Variants in TAF1B observed in about 807,000 individuals in gnomAD.
TAF1B encodes the protein TATA box-binding protein-associated factor RNA polymerase I subunit B.
A neutral mutation model predicts 83.9 loss-of-function variants in TAF1B; 61 were observed. That is an observed-to-expected ratio of 0.73 (90% CI 0.59 to 0.90). TAF1B has a LOEUF of 0.90. Ranked by LOEUF, TAF1B falls within the 40% of genes least tolerant of loss-of-function variation. The pLI, the probability that TAF1B is intolerant of heterozygous loss-of-function variation, is 0.00. For synonymous variants in TAF1B, 221 were observed against 224.6 expected (o/e 0.98, Z 0.14); for missense variants, 625 against 677.0 (o/e 0.92, Z 0.85).
At chr2:9,849,646 G>GA (rs781425053) in intron 3 of TAF1B, among the ~76,000 whole-genome samples, 186 bp downstream of exon 3, 147 of 152,208 alleles carry the variant, frequency 9.7e-4, no homozygotes, top group Non-Finnish European at 7.1e-4. Context: ...TGCTTTTATA[G>GA]AAAAAATGCT....
chr2:9,862,973 C>T lies in TAF1B; in HGVS notation c.400-5303C>T, dbSNP rs557105497. 3.8e-3 allele frequency among the ~76,000 whole-genome samples: 573 copies of T among 152,244 alleles called. 2 individuals are homozygous for T. The highest frequency in any genetic ancestry group is 5.1e-3 in the Non-Finnish European group (347 of 68,016). On this transcript the variant is annotated intron_variant, in intron 5 of 14. Coordinates refer to ENST00000263663, the MANE Select transcript of TAF1B (RefSeq NM_005680.3). Reference sequence around the variant, plus strand: ...TAAACATGGAAAGGAACAACCGGTACCAGCCACTGCAAAAACATGCCAAAT... The same window carrying T: ...TAAACATGGAAAGGAACAACCGGTATCAGCCACTGCAAAAACATGCCAAAT...
chr2:9,876,006 C>T lies in TAF1B; in HGVS notation c.695C>T (p.Ser232Leu). Residue 232 changes from serine to leucine, a missense_variant, in exon 7 of 15, where the codon TCA (serine) becomes TTA (leucine). Ser to Leu is a moderately radical substitution (Grantham distance 145). Transcript: ENST00000263663. The stretch of plus-strand genomic sequence containing the variant: ...TGGCAGAGAGAAGCAATAACACTTT[C>T]AGATCTTTTGAGGTTAGCTAGACCT... Reference protein sequence around the residue: ...LLWQREAITLSDLLRFVEEDH... With the variant: ...LLWQREAITLLDLLRFVEEDH... The T allele has an allele frequency of 6.2e-7, 1 of 1,609,346 alleles. No homozygotes were observed. The highest frequency in any genetic ancestry group is 8.5e-7 in the Non-Finnish European group (1 of 1,176,304).
intron 8 of TAF1B, among the ~76,000 whole-genome samples, chr2:9,888,769 TC>T (rs1354840911): frequency 6.7e-6 from 1 of 149,428 alleles, no homozygotes; most frequent in African/African-American, 2.4e-5. Context: ...GTCACAGTTT[TC>T]TTTATGTTTC....
intron 7 of TAF1B, among the ~76,000 whole-genome samples, chr2:9,880,992 AT>A (rs1408034357): frequency 3.3e-5 from 5 of 152,240 alleles, no homozygotes; most frequent in African/African-American, 1.2e-4. Context: ...TTATGTAAAT[AT>A]TTCTCAACTT....
chr2:9,919,907 T>A lies in TAF1B; in HGVS notation c.1565+87T>A, dbSNP rs75900427. ...TAGGTTTTTTGTTGGAATTAGAAGC[T>A]GGTGAGCTTAAAGTCACGAAAATCA... On this transcript the variant is annotated intron_variant, in intron 14 of 14. Transcript: ENST00000263663. 817 of 1,308,686 alleles carry A rather than the reference T, an allele frequency of 6.2e-4. 4 individuals carry two copies. The African/African-American group carries it at 0.011, about 18-fold the overall frequency. 81.1% of individuals were successfully genotyped at this position (1,308,686 alleles called of 1,614,324 possible).
chr2:9,902,759 C>T (rs1447347334), intron 8 of TAF1B, among the ~76,000 whole-genome samples: 2 of 152,184 alleles, frequency 1.3e-5, no homozygotes, highest in African/African-American at 4.8e-5. Flanking sequence ...GTATACATAG[C>T]TAGGAGTAGA....
At chr2:9,882,645 C>A (rs1263017177) in intron 7 of TAF1B, 61 bp from the exon 8 acceptor site, 15 of 1,073,996 alleles carry the variant, frequency 1.4e-5, no homozygotes, top group Admixed American at 2.6e-5. Flanking sequence ...TTTCTTAAAG[C>A]ATTTACTCTG....
At chr2:9,856,212 GA>G (rs1372864193) in intron 5 of TAF1B, among the ~76,000 whole-genome samples, 1 of 151,840 alleles carries the variant, frequency 6.6e-6, no homozygotes, top group African/African-American at 2.4e-5. Flanking sequence ...TCCTAAGAAT[GA>G]GAAGTTTAGA....
chr2:9,872,143 T>A (rs1191708983), intron 6 of TAF1B, among the ~76,000 whole-genome samples: 2 of 151,954 alleles, frequency 1.3e-5, no homozygotes, highest in East Asian at 3.9e-4. Flanking sequence ...CTGGCCAACG[T>A]AGTGAAACTC....
intron 5 of TAF1B, among the ~76,000 whole-genome samples, 170 bp from the exon 6 acceptor site, chr2:9,868,106 G>T (rs1490954977): frequency 6.6e-6 from 1 of 152,148 alleles, no homozygotes; most frequent in African/African-American, 2.4e-5. Context: ...AAGAAGCACT[G>T]CTGGGAGCTG....
Position 9,843,562 on chromosome 2 carries a change from A to G in TAF1B, c.18+3A>G, listed in dbSNP as rs1168735555. ...CCGCGATGGACCTCGAGGAGGCGGTAAGGAGGCGGTGCACCTGGCGGGCCA... is the reference window on the plus strand; with the variant it reads ...CCGCGATGGACCTCGAGGAGGCGGTGAGGAGGCGGTGCACCTGGCGGGCCA... On this transcript the variant is annotated splice_donor_region_variant and intron_variant, in intron 1 of 14. Transcript: ENST00000263663. 6.6e-7 allele frequency: 1 copy of G among 1,521,022 alleles called. No individual in the cohort carries two copies. Among genetic ancestry groups the G allele is most frequent in the Middle Eastern group, 2.0e-4 (1 of 5,062 alleles). The allele number at this position is 1,521,022 out of a possible 1,614,324, so 94.2% of individuals were successfully genotyped here.
intron 14 of TAF1B, among the ~76,000 whole-genome samples, chr2:9,927,121 T>G (rs1218408463): frequency 6.9e-6 from 1 of 144,356 alleles, no homozygotes; most frequent in Non-Finnish European, 1.5e-5. Context: ...ACATATGGTG[T>G]TTGGTTTTCT....
At chr2:9,857,439 CT>C (rs1327452264) in intron 5 of TAF1B, among the ~76,000 whole-genome samples, 1 of 152,138 alleles carries the variant, frequency 6.6e-6, no homozygotes, top group Non-Finnish European at 1.5e-5. Flanking sequence ...TCAATGATGA[CT>C]CTAAGGATTT....
At chr2:9,857,595 A>G (rs548706420) in intron 5 of TAF1B, among the ~76,000 whole-genome samples, 32 of 152,284 alleles carry the variant, frequency 2.1e-4, no homozygotes, top group Non-Finnish European at 4.6e-4. Flanking sequence ...TAAAAATACT[A>G]CCTGAGACAG....
intron 8 of TAF1B, among the ~76,000 whole-genome samples, chr2:9,887,576 A>G (rs971372675): frequency 6.6e-6 from 1 of 151,944 alleles, no homozygotes; most frequent in Non-Finnish European, 1.5e-5. Context: ...TTTGCACAGC[A>G]TATCTTTTTC....
intron 8 of TAF1B, among the ~76,000 whole-genome samples, chr2:9,901,488 A>G (rs1267216064): frequency 6.6e-6 from 1 of 152,124 alleles, no homozygotes; most frequent in African/African-American, 2.4e-5. Context: ...AGCCTACCAA[A>G]TTGCTTCTCA....
chr2:9,875,972 T>C lies in TAF1B; in HGVS notation c.661T>C (p.Ser221Pro), dbSNP rs369390290. The C allele has an allele frequency of 6.2e-7, 1 of 1,613,188 alleles. No homozygotes were observed. The highest frequency in any genetic ancestry group is 8.5e-7 in the Non-Finnish European group (1 of 1,179,322). Residue 221 changes from serine to proline, a missense_variant, in exon 7 of 15, where the codon TCC becomes CCC. Transcript: ENST00000263663. ...MPQTLAFCYLSLLWQREAITL... is the reference protein window; with the variant it reads ...MPQTLAFCYLPLLWQREAITL... ...ACAGACACTTGCCTTCTGTTATCTG[T>C]CCTTACTTTGGCAGAGAGAAGCAAT...
chr2:9,859,385 C>CTTT (rs1663675836), intron 5 of TAF1B, among the ~76,000 whole-genome samples: 8 of 120,568 alleles, frequency 6.6e-5, no homozygotes, highest in Non-Finnish European at 5.6e-5. Context: ...TCACTATCAG[C>CTTT]ATTTTTTTTT....
intron 6 of TAF1B, 103 bp downstream of exon 6, chr2:9,868,532 A>G (rs1664067900): frequency 2.7e-6 from 4 of 1,460,220 alleles, no homozygotes; most frequent in Non-Finnish European, 3.8e-6. Context: ...AACTTGGTCT[A>G]GCGAGGAAGA....
Sources: allele counts gnomAD v4.1 joint callset (sites outside exome capture counted in the v4.1 genomes callset), GRCh38; gene constraint gnomAD v4.1.1; transcripts MANE v1.5; gene names NCBI Gene and HGNC (gene_info 2026-07-23, HGNC 2026-07-21).